The following LPIN1 variants were observed in gnomAD, a reference collection of about 807,000 sequenced individuals.
LPIN1 encodes phosphatidate phosphatase LPIN1.
A neutral mutation model predicts 107.5 loss-of-function variants in LPIN1; 71 were observed. The ratio of observed to expected loss-of-function variants is 0.66; its 90% confidence interval spans 0.55 to 0.80. The LOEUF is 0.80. Among genes scored for constraint, LPIN1 ranks in the 30% least tolerant of loss-of-function variants. The probability of loss-of-function intolerance (pLI) is 0.00; values close to 1 mark genes in which losing one functional copy is unlikely to be tolerated. For synonymous variants in LPIN1, 445 were observed against 452.6 expected, an observed-to-expected ratio of 0.98 and a Z score of 0.21; for missense variants, 1,043 against 1,160.6, an observed-to-expected ratio of 0.90 and a Z score of 1.47.
chr2:11,787,064 G>T lies in LPIN1; in HGVS notation c.1550-10G>T. On this transcript the variant is annotated splice_polypyrimidine_tract_variant and intron_variant, in intron 10 of 20. Transcript: ENST00000674199. Reference sequence around the variant, plus strand: ...TGTTTTTCCCTGATCCTCTGCAATTGCTGTCACAGATGCATTCCTGGAGCA... The same window carrying T: ...TGTTTTTCCCTGATCCTCTGCAATTTCTGTCACAGATGCATTCCTGGAGCA... 1 of 1,599,762 alleles carries T rather than the reference G, an allele frequency of 6.3e-7. No individual in the cohort carries two copies. Among genetic ancestry groups the T allele is most frequent in the Non-Finnish European group, 8.6e-7 (1 of 1,166,792 alleles).
chr2:11,809,359 G>A (rs1679258463), intron 17 of LPIN1, among the ~76,000 whole-genome samples: 1 of 152,102 alleles, frequency 6.6e-6, no homozygotes, highest in Admixed American at 6.5e-5. Flanking sequence ...TGGGGTCTAG[G>A]TATGCGGTGT....
chr2:11,813,636 C>T lies in LPIN1; in HGVS notation c.2250-1452C>T, dbSNP rs556100176. ...ATAGTTAAAAAAAGTGAAATGGGGC[C>T]GGGCGTGGTGGCTCATGCCTGTAAT... On this transcript the variant is annotated intron_variant, in intron 17 of 20. Coordinates refer to ENST00000674199, the MANE Select transcript of LPIN1 (RefSeq NM_001349206.2). Among the ~76,000 whole-genome samples, 56 of 152,112 alleles carry T rather than the reference C, an allele frequency of 3.7e-4. 1 individual carries two copies. The highest frequency in any genetic ancestry group is 1.2e-3 in the African/African-American group (50 of 41,488).
intron 1 of LPIN1, among the ~76,000 whole-genome samples, chr2:11,759,374 G>A (rs1006711389): frequency 5.3e-5 from 8 of 151,980 alleles, no homozygotes; most frequent in Non-Finnish European, 8.8e-5. Context: ...ATTAGGGAGT[G>A]GTGATGACTC....
chr2:11,737,241 G>T (rs1215160343), intron 1 of LPIN1, among the ~76,000 whole-genome samples: 2 of 152,124 alleles, frequency 1.3e-5, no homozygotes, highest in African/African-American at 4.8e-5. Context: ...ACTCAAGAAG[G>T]ATTAAAGACT....
chr2:11,713,718 A>C, intron 1 of LPIN1: 1 of 1,241,214 alleles, frequency 8.1e-7, no homozygotes, highest in Non-Finnish European at 1.1e-6. Flanking sequence ...ATTCCAGAAC[A>C]TTTCTATTAA....
At chr2:11,694,841 A>T (rs7594406) in intron 1 of LPIN1, among the ~76,000 whole-genome samples, 19,850 of 152,222 alleles carry the variant, frequency 0.13, 3,835 homozygotes, top group African/African-American at 0.42. Flanking sequence ...AATATAAAAA[A>T]TTCCTGAATC....
chr2:11,815,834 A>G (rs1016079942), intron 18 of LPIN1, among the ~76,000 whole-genome samples: 3 of 151,974 alleles, frequency 2.0e-5, no homozygotes, highest in African/African-American at 4.8e-5. Context: ...CCCTTCACCT[A>G]TGGGGCCATA....
At chr2:11,809,377 C>CAGT (rs1679263962) in intron 17 of LPIN1, among the ~76,000 whole-genome samples, 1 of 152,092 alleles carries the variant, frequency 6.6e-6, no homozygotes, top group African/African-American at 2.4e-5. Flanking sequence ...TGTCCCAAGC[C>CAGT]AGTGGACTGA....
At chr2:11,694,511 G>A (rs1366664753) in intron 1 of LPIN1, among the ~76,000 whole-genome samples, 1 of 152,202 alleles carries the variant, frequency 6.6e-6, no homozygotes, top group African/African-American at 2.4e-5. Flanking sequence ...TGTGTCACGT[G>A]TTTGCCTGCA....
chr2:11,795,165 A>G (rs1676442031), intron 13 of LPIN1, among the ~76,000 whole-genome samples: 1 of 152,212 alleles, frequency 6.6e-6, no homozygotes, highest in Admixed American at 6.5e-5. Context: ...ACTTATGGAT[A>G]ACAGATTCGT....
chr2:11,733,535 A>G (rs537733473), intron 1 of LPIN1, among the ~76,000 whole-genome samples: 86 of 147,868 alleles, frequency 5.8e-4, no homozygotes, highest in African/African-American at 2.1e-3. Context: ...GGTTTTGCCC[A>G]GGCTGGAGTG....
At chr2:11,736,542 C>T (rs1395645022) in intron 1 of LPIN1, among the ~76,000 whole-genome samples, 1 of 152,204 alleles carries the variant, frequency 6.6e-6, no homozygotes, top group Non-Finnish European at 1.5e-5. Context: ...ACAGTGGGGA[C>T]TAGGGTTTCA....
At chr2:11,797,729 C>G (rs1676979297) in intron 14 of LPIN1, among the ~76,000 whole-genome samples, 1 of 152,228 alleles carries the variant, frequency 6.6e-6, no homozygotes, top group Non-Finnish European at 1.5e-5. Flanking sequence ...ATTTTACTGG[C>G]TCATAGGCAG....
intron 17 of LPIN1, among the ~76,000 whole-genome samples, chr2:11,814,700 C>T (rs1381348842): frequency 1.3e-5 from 2 of 152,032 alleles, no homozygotes; most frequent in Non-Finnish European, 2.9e-5. Flanking sequence ...TGTGAATTGG[C>T]AGGTGGCTGT....
chr2:11,721,456 T>G (rs1415803477), upstream of LPIN1, among the ~76,000 whole-genome samples: 1 of 152,104 alleles, frequency 6.6e-6, no homozygotes, highest in Admixed American at 6.5e-5. Flanking sequence ...CCAGGTGACT[T>G]GTGCAGGGTC....
chr2:11,759,190 TTTTCTTTC>T (rs1198187531), intron 1 of LPIN1, among the ~76,000 whole-genome samples: 2 of 122,834 alleles, frequency 1.6e-5, no homozygotes, highest in South Asian at 2.5e-4. Context: ...TCTTTCTTTC[TTTTCTTTC>T]TTTCTTTCTC....
At chr2:11,727,076 C>T (rs1177815460) in intron 1 of LPIN1, among the ~76,000 whole-genome samples, 2 of 152,222 alleles carry the variant, frequency 1.3e-5, no homozygotes, top group Non-Finnish European at 2.9e-5. Flanking sequence ...TGTAATTTCC[C>T]TTTTAATCGC....
At chr2:11,814,506 G>GTGTGCA (rs1359473157) in intron 17 of LPIN1, among the ~76,000 whole-genome samples, 1 of 138,006 alleles carries the variant, frequency 7.2e-6, no homozygotes, top group East Asian at 2.2e-4. Flanking sequence ...GTTTTGGTGT[G>GTGTGCA]TGTGCATGTG....
chr2:11,727,682 A>G (rs1664796949), intron 1 of LPIN1, among the ~76,000 whole-genome samples: 1 of 152,224 alleles, frequency 6.6e-6, no homozygotes, highest in South Asian at 2.1e-4. Context: ...CCACGAGTTT[A>G]TATCTGACTC....
Sources: allele counts gnomAD v4.1 joint callset (sites outside exome capture counted in the v4.1 genomes callset), GRCh38; gene constraint gnomAD v4.1.1; transcripts MANE v1.5; gene names NCBI Gene and HGNC (gene_info 2026-07-23, HGNC 2026-07-21).